The following SARDH variants were observed in gnomAD, a reference collection of about 807,000 sequenced individuals.
SARDH encodes sarcosine dehydrogenase, mitochondrial.
In SARDH, 95 loss-of-function variants were observed where a neutral mutation model predicts 109.1. The observed-to-expected ratio is 0.87, with a 90% CI of 0.74 to 1.03. SARDH has a LOEUF of 1.03. Ranked by LOEUF, SARDH falls within the 50% of genes least tolerant of loss-of-function variation. The probability of loss-of-function intolerance (pLI) is 0.00; values close to 1 mark genes in which losing one functional copy is unlikely to be tolerated. For synonymous variants in SARDH, 572 were observed against 534.8 expected (o/e 1.07, Z -0.96); for missense variants, 1,267 against 1,287.8 (o/e 0.98, Z 0.25).
chr9:133,679,386 A>G (rs1034615042), intron 17 of SARDH, among the ~76,000 whole-genome samples: 1 of 152,250 alleles, frequency 6.6e-6, no homozygotes, highest in Admixed American at 6.5e-5. Flanking sequence ...AAATCCTAAC[A>G]GCGCCGCGAC....
intron 17 of SARDH, among the ~76,000 whole-genome samples, chr9:133,681,152 C>T (rs1830681581): frequency 6.6e-6 from 1 of 152,190 alleles, no homozygotes; most frequent in South Asian, 2.1e-4. Flanking sequence ...CATCTGCCGC[C>T]CTGGTCCTGC....
In SARDH at chr9:133,733,629, C is replaced by T. The variant is rs566723280; in HGVS notation, c.331+214G>A. On this transcript the variant is annotated intron_variant, in intron 2 of 20. Coordinates refer to ENST00000439388, the MANE Select transcript of SARDH (RefSeq NM_001134707.2). Reference sequence around the variant, plus strand: ...TTCACTCTCCAGGCCACACAAGCAGCATCTGCTCCCTCCTCCCACCACAGC... The same window carrying T: ...TTCACTCTCCAGGCCACACAAGCAGTATCTGCTCCCTCCTCCCACCACAGC... 2.0e-5 allele frequency among the ~76,000 whole-genome samples: 3 copies of T among 152,354 alleles called. No individual in the cohort carries two copies. In the South Asian group the frequency reaches 6.2e-4, roughly 32 times the overall value.
rs553414103 is a variant in SARDH, at chr9:133,715,765, A to G, written c.1150+1561T>C. Among the ~76,000 whole-genome samples, 4 of 152,066 alleles carry G rather than the reference A, an allele frequency of 2.6e-5. No homozygotes were observed. The South Asian group carries it at 8.3e-4, about 32-fold the overall frequency. On this transcript the variant is annotated intron_variant, in intron 8 of 20. Transcript: ENST00000439388. ...TCTCTACAGCTGCTGGGCCTGGCCTATGCCCTGCACCGCCCCTGTGGCTTC... is the reference window on the plus strand; with the variant it reads ...TCTCTACAGCTGCTGGGCCTGGCCTGTGCCCTGCACCGCCCCTGTGGCTTC...
Position 133,664,394 on chromosome 9 carries a change from C to T in SARDH, c.2632-380G>A, listed in dbSNP as rs369697831. 1.4e-4 allele frequency among the ~76,000 whole-genome samples: 21 copies of T among 152,360 alleles called. No homozygotes were observed. The East Asian group carries it at 3.7e-3, about 27-fold the overall frequency. ...GCCGAGGCTGGGGGCCAATCCGGCTCGAATCCCTCGGGGCAGGGGCGGCTG... is the reference window on the plus strand; with the variant it reads ...GCCGAGGCTGGGGGCCAATCCGGCTTGAATCCCTCGGGGCAGGGGCGGCTG... On this transcript the variant is annotated intron_variant, in intron 20 of 20. Transcript: ENST00000439388.
chr9:133,727,536 G>A (rs1030659877), intron 6 of SARDH, among the ~76,000 whole-genome samples: 3 of 152,242 alleles, frequency 2.0e-5, no homozygotes, highest in Admixed American at 6.5e-5. Context: ...CAGGGCCAGC[G>A]GCCTGGCTCC....
downstream of SARDH, among the ~76,000 whole-genome samples, chr9:133,660,215 G>A (rs1403074252): frequency 2.6e-5 from 4 of 152,090 alleles, no homozygotes; most frequent in Admixed American, 6.5e-5. Context: ...GTTGCCACTT[G>A]CCCCACACTG....
chr9:133,737,246 C>A (rs1258176330), intron 1 of SARDH, among the ~76,000 whole-genome samples: 2 of 152,208 alleles, frequency 1.3e-5, no homozygotes, highest in African/African-American at 2.4e-5. Context: ...GGCTGCCCCC[C>A]ATCTCCTGCC....
At position 133,718,789 on chromosome 9, in the gene SARDH, G is replaced by A; in HGVS notation, c.1020+149C>T. 1.3e-6 allele frequency: 1 copy of A among 794,048 alleles called. No individual in the cohort carries two copies. The highest frequency in any genetic ancestry group is 2.3e-6 in the Non-Finnish European group (1 of 431,008). The allele number at this position is 794,048 out of a possible 1,614,324, so 49.2% of individuals were successfully genotyped here. A position where few individuals can be genotyped will look rare whatever the true frequency, so the allele number is the denominator to read the frequency against. ...GGACCGTCAGGGTAAGAGCAAGATGGCTTTGAGCTTGGTGGGGTCAGGGGA... is the reference window on the plus strand; with the variant it reads ...GGACCGTCAGGGTAAGAGCAAGATGACTTTGAGCTTGGTGGGGTCAGGGGA... On this transcript the variant is annotated intron_variant, in intron 7 of 20. Coordinates refer to ENST00000439388, the MANE Select transcript of SARDH (RefSeq NM_001134707.2). This position sits in a 1 kb window ranked among gnomAD's most constrained non-coding sequence, Gnocchi z 4.2.
At chr9:133,670,456 T>C (rs1830301466) in intron 19 of SARDH, 128 bp downstream of exon 19, 1 of 1,066,184 alleles carries the variant, frequency 9.4e-7, no homozygotes, top group Non-Finnish European at 1.3e-6. Context: ...GGGTGCGTTC[T>C]GGAAGAGCAT....
In SARDH at chr9:133,718,608, C is replaced by T. The variant is rs955818969; in HGVS notation, c.1020+330G>A. 6.5e-6 allele frequency: 5 copies of T among 769,236 alleles called. No homozygotes were observed. Among genetic ancestry groups the T allele is most frequent in the Non-Finnish European group, 1.2e-5 (5 of 413,938 alleles). 47.7% of individuals were successfully genotyped at this position (769,236 alleles called of 1,614,324 possible). A position where few individuals can be genotyped will look rare whatever the true frequency, so the allele number is the denominator to read the frequency against. On this transcript the variant is annotated intron_variant, in intron 7 of 20. Coordinates refer to ENST00000439388, the MANE Select transcript of SARDH (RefSeq NM_001134707.2). The surrounding 1 kb of genome is among the most constrained non-coding windows in gnomAD (Gnocchi z 4.2). ...GCCAGGGGAAATGCCGCTGCAGCAG[C>T]TGGTTGGGAGGGCAGTGTCATTTGC...
In SARDH at chr9:133,663,912, T is replaced by G; in HGVS notation, c.2734A>C (p.Lys912Gln). ...CCTCAGTAGATTCCCTTCACCCTCT[T>G]GTTGTTGGGGTCGAAGGGCGACTTC... ...HLKSPFDPNN[K>Q]RVKGIY is the part of the protein sequence containing the mutation. Residue 912 changes from lysine to glutamine, a missense_variant, in exon 21 of 21, where the codon AAG (lysine) becomes CAG (glutamine). Lys to Gln is a moderately conservative substitution (Grantham distance 53). Coordinates refer to ENST00000439388, the MANE Select transcript of SARDH (RefSeq NM_001134707.2). 6.2e-7 allele frequency: 1 copy of G among 1,613,924 alleles called. No individual in the cohort carries two copies. The highest frequency in any genetic ancestry group is 8.5e-7 in the Non-Finnish European group (1 of 1,179,942).
intron 6 of SARDH, among the ~76,000 whole-genome samples, chr9:133,726,368 AAATAAT>A: frequency 8.8e-6 from 1 of 114,144 alleles, no homozygotes; most frequent in African/African-American, 3.3e-5. Flanking sequence ...ACCCTGTCTC[AAATAAT>A]AATAATAATA....
downstream of SARDH, among the ~76,000 whole-genome samples, chr9:133,662,399 C>A (rs1377137631): frequency 2.0e-5 from 3 of 152,120 alleles, no homozygotes; most frequent in African/African-American, 7.2e-5. This position sits in a 1 kb window ranked among gnomAD's most constrained non-coding sequence, Gnocchi z 5.1. Flanking sequence ...GCCAGGCCAT[C>A]TGGGGAGCCG....
At chr9:133,701,379 T>C (rs1831479131) in intron 13 of SARDH, among the ~76,000 whole-genome samples, 1 of 152,198 alleles carries the variant, frequency 6.6e-6, no homozygotes. Flanking sequence ...AGGACAGGGC[T>C]CCCCTTTGTC....
intron 20 of SARDH, among the ~76,000 whole-genome samples, chr9:133,664,601 A>T (rs1362124773): frequency 1.3e-5 from 2 of 151,818 alleles, no homozygotes; most frequent in African/African-American, 4.9e-5. Flanking sequence ...AGCTGCTATG[A>T]GGAGGGCAGG....
In SARDH at chr9:133,718,908, T is replaced by C. The variant is rs1422152810; in HGVS notation, c.1020+30A>G. The C allele has an allele frequency of 1.3e-5, 20 of 1,534,774 alleles. No individual in the cohort carries two copies. Among genetic ancestry groups the C allele is most frequent in the Non-Finnish European group, 1.7e-5 (19 of 1,108,438 alleles). ...ATGCTGAGATGCAGCCCCAACTCCC[T>C]CCCATTATCCCAGGGCCCTGGCATC... On this transcript the variant is annotated intron_variant, in intron 7 of 20. Transcript: ENST00000439388. The surrounding 1 kb of genome is among the most constrained non-coding windows in gnomAD (Gnocchi z 4.2).
chr9:133,718,862 T>C lies in SARDH; in HGVS notation c.1020+76A>G. 8.6e-7 allele frequency: 1 copy of C among 1,162,032 alleles called. No individual in the cohort carries two copies. The highest frequency in any genetic ancestry group is 1.2e-5 in the South Asian group (1 of 81,510). The allele number at this position is 1,162,032 out of a possible 1,614,324, so 72.0% of individuals were successfully genotyped here. A position where few individuals can be genotyped will look rare whatever the true frequency, so the allele number is the denominator to read the frequency against. ...TCTGAGGAGCTTCAGGAGGATGGACTTCCTGAAAGAGGCCCTCTCCATGCT... is the reference window on the plus strand; with the variant it reads ...TCTGAGGAGCTTCAGGAGGATGGACCTCCTGAAAGAGGCCCTCTCCATGCT... On this transcript the variant is annotated intron_variant, in intron 7 of 20. Coordinates refer to ENST00000439388, the MANE Select transcript of SARDH (RefSeq NM_001134707.2). This position sits in a 1 kb window ranked among gnomAD's most constrained non-coding sequence, Gnocchi z 4.2.
intron 16 of SARDH, 106 bp from the exon 17 acceptor site, chr9:133,685,392 T>A: frequency 1.4e-6 from 1 of 736,092 alleles, no homozygotes; most frequent in East Asian, 2.7e-5. Flanking sequence ...CCTGTCCTCA[T>A]GAGACAGATG....
At position 133,671,615 on chromosome 9, in the gene SARDH, C is replaced by T. The variant is rs779284665; in HGVS notation, c.2246G>A (p.Arg749Gln). 57 of 1,603,064 alleles carry T rather than the reference C, an allele frequency of 3.6e-5. No homozygotes were observed. Among genetic ancestry groups the T allele is most frequent in the South Asian group, 1.1e-4 (10 of 89,134 alleles). Reference protein sequence around the residue: ...IPKASCVPVYRAVMAAGAKHG... With the variant: ...IPKASCVPVYQAVMAAGAKHG... ...CTTGGCACCCGCGGCCATCACAGCC[C>T]GGTACACAGGCACGCAGGACGCCTT... Residue 749 changes from arginine to glutamine, a missense_variant, in exon 18 of 21, where the codon CGG becomes CAG. Physicochemically the swap from Arg to Gln is conservative, Grantham distance 43. Coordinates refer to ENST00000439388, the MANE Select transcript of SARDH (RefSeq NM_001134707.2).
Sources: gnomAD v4.1 joint callset for allele counts (sites outside exome capture counted in the v4.1 genomes callset) on GRCh38, gnomAD v4.1.1 for gene constraint, Gnocchi (gnomAD v3.1) non-coding constraint, MANE v1.5 for transcripts, NCBI Gene and HGNC (gene_info 2026-07-23, HGNC 2026-07-21) for gene names.